Variants in KIAA1549L observed in about 807,000 individuals in gnomAD.
KIAA1549L encodes the protein UPF0606 protein KIAA1549L.
In KIAA1549L, 88 loss-of-function variants were observed where a neutral mutation model predicts 160.7. That is an observed-to-expected ratio of 0.55 (90% CI 0.46 to 0.65). The LOEUF (loss-of-function observed/expected upper bound fraction) is 0.65. Among genes scored for constraint, KIAA1549L ranks in the 30% least tolerant of loss-of-function variants. The probability of loss-of-function intolerance (pLI) is 0.00; values close to 1 mark genes in which losing one functional copy is unlikely to be tolerated. For synonymous variants in KIAA1549L, 950 were observed against 976.7 expected (o/e 0.97, Z 0.51); for missense variants, 2,258 against 2,437.5 (o/e 0.93, Z 1.55).
chr11:33,531,842 T>C (rs1285801664), intron 1 of KIAA1549L, among the ~76,000 whole-genome samples: 1 of 152,172 alleles, frequency 6.6e-6, no homozygotes, highest in South Asian at 2.1e-4. Context: ...TCCATCTCTT[T>C]TGACCTTCTG....
chr11:33,549,169 T>C (rs952299595), intron 4 of KIAA1549L, among the ~76,000 whole-genome samples: 1 of 152,152 alleles, frequency 6.6e-6, no homozygotes, highest in Non-Finnish European at 1.5e-5. Flanking sequence ...ATGGATTCTG[T>C]TTTAAAAACT....
chr11:33,503,939 C>A (rs79060389), intron 1 of KIAA1549L, among the ~76,000 whole-genome samples: 1 of 152,230 alleles, frequency 6.6e-6, no homozygotes, highest in Non-Finnish European at 1.5e-5. Flanking sequence ...AAAGTTTTGC[C>A]TTCAAACTGC....
At chr11:33,580,705 G>A (rs1244452504) in intron 10 of KIAA1549L, among the ~76,000 whole-genome samples, 1 of 152,136 alleles carries the variant, frequency 6.6e-6, no homozygotes, top group Non-Finnish European at 1.5e-5. Context: ...CTATGTGCAG[G>A]GCACTGCTCT....
At chr11:33,401,888 A>C (rs1850508333) in intron 1 of KIAA1549L, among the ~76,000 whole-genome samples, 2 of 152,176 alleles carry the variant, frequency 1.3e-5, no homozygotes, top group South Asian at 4.1e-4. Flanking sequence ...AAGGTCACCA[A>C]CTCAAAGATG....
intron 1 of KIAA1549L, among the ~76,000 whole-genome samples, chr11:33,495,595 A>G (rs566205874): frequency 6.6e-6 from 1 of 152,342 alleles, no homozygotes; most frequent in Non-Finnish European, 1.5e-5. Context: ...ATATGCGTGC[A>G]TGTGTCTTTA....
At chr11:33,489,441 C>G (rs926522997) in intron 1 of KIAA1549L, among the ~76,000 whole-genome samples, 3 of 152,210 alleles carry the variant, frequency 2.0e-5, no homozygotes, top group African/African-American at 4.8e-5. Context: ...CTGATACCAT[C>G]ATGTTGAGAG....
chr11:33,478,524 G>A (rs1852341603), intron 1 of KIAA1549L, among the ~76,000 whole-genome samples: 1 of 152,198 alleles, frequency 6.6e-6, no homozygotes, highest in South Asian at 2.1e-4. Flanking sequence ...TAGCAACAAG[G>A]GAGGAGTTCT....
chr11:33,518,138 CAAAAAAAAA>C (rs560876643), intron 1 of KIAA1549L, among the ~76,000 whole-genome samples: 142 of 59,410 alleles, frequency 2.4e-3, no homozygotes, highest in African/African-American at 9.0e-3. Context: ...GACTCTGTCT[CAAAAAAAAA>C]AAAAAAAAAA....
Position 33,671,036 on chromosome 11 carries a change from A to G in KIAA1549L, c.*2882A>G, listed in dbSNP as rs903467052. Reference sequence around the variant, plus strand: ...TGAAGAACTCCATAATGTTCTTGCCAAGAAAAAAGATGATTGAGTATATAA... The same window carrying G: ...TGAAGAACTCCATAATGTTCTTGCCGAGAAAAAAGATGATTGAGTATATAA... On this transcript the variant is annotated 3_prime_UTR_variant, in exon 21 of 21. Coordinates refer to ENST00000658780, the MANE Select transcript of KIAA1549L (RefSeq NM_012194.3). 5 of 152,256 alleles carry G rather than the reference A, an allele frequency of 3.3e-5. No individual in the cohort carries two copies. Among genetic ancestry groups the G allele is most frequent in the Non-Finnish European group, 5.9e-5 (4 of 68,044 alleles). 9.4% of individuals were successfully genotyped at this position (152,256 alleles called of 1,614,324 possible). A position where few individuals can be genotyped will look rare whatever the true frequency, so the allele number is the denominator to read the frequency against.
chr11:33,608,755 T>C (rs1412051304), intron 14 of KIAA1549L, among the ~76,000 whole-genome samples: 1 of 152,234 alleles, frequency 6.6e-6, no homozygotes, highest in Non-Finnish European at 1.5e-5. Flanking sequence ...TGCTGTATTT[T>C]GGTAGTTAAA....
chr11:33,525,724 A>G (rs556122588), intron 1 of KIAA1549L, among the ~76,000 whole-genome samples: 1 of 152,004 alleles, frequency 6.6e-6, no homozygotes, highest in Non-Finnish European at 1.5e-5. Context: ...GTCTGGGGCA[A>G]GATTTCAGCT....
At chr11:33,614,578 ATATATATTTTTTTT>A (rs1850755531) in intron 15 of KIAA1549L, among the ~76,000 whole-genome samples, 1 of 9,422 alleles carries the variant, frequency 1.1e-4, no homozygotes, top group Non-Finnish European at 1.5e-4. Flanking sequence ...ATATATATAT[ATATATATTTTTTTT>A]TTTTTTTTTT....
intron 1 of KIAA1549L, among the ~76,000 whole-genome samples, chr11:33,521,484 A>G (rs1277195325): frequency 6.6e-6 from 1 of 152,250 alleles, no homozygotes; most frequent in East Asian, 1.9e-4. Flanking sequence ...ATTTGCAAAC[A>G]CTTAGAAAAA....
intron 17 of KIAA1549L, among the ~76,000 whole-genome samples, chr11:33,653,710 A>G (rs1041842225): frequency 2.0e-5 from 3 of 152,160 alleles, no homozygotes; most frequent in Non-Finnish European, 2.9e-5. Flanking sequence ...GACTTCGGTT[A>G]GCTGCATGTT....
intron 20 of KIAA1549L, among the ~76,000 whole-genome samples, chr11:33,666,968 T>C (rs1206073672): frequency 6.6e-6 from 1 of 152,236 alleles, no homozygotes; most frequent in East Asian, 1.9e-4. Flanking sequence ...TCGATGTTGT[T>C]ATTAATCAAC....
rs1192681149 is a variant in KIAA1549L at position 33,448,958 on chromosome 11, C to T, written c.238+72069C>T. Among the ~76,000 whole-genome samples, 10 of 152,284 alleles carry T rather than the reference C, an allele frequency of 6.6e-5. No individual in the cohort carries two copies. In the South Asian group the frequency reaches 1.2e-3, roughly 19 times the overall value. On this transcript the variant is annotated intron_variant, in intron 1 of 20. Coordinates refer to ENST00000658780, the MANE Select transcript of KIAA1549L (RefSeq NM_012194.3). ...GTTTGATGATTGTTACTCACCTCTT[C>T]GCACACTTAGCGCTGTAATTGTTCA...
At chr11:33,615,322 T>C (rs1482366979) in intron 15 of KIAA1549L, among the ~76,000 whole-genome samples, 1 of 152,192 alleles carries the variant, frequency 6.6e-6, no homozygotes, top group African/African-American at 2.4e-5. Context: ...TGAGAGTTAC[T>C]TTCTTAAACT....
At chr11:33,455,798 CTG>C (rs1261668191) in intron 1 of KIAA1549L, among the ~76,000 whole-genome samples, 1 of 152,182 alleles carries the variant, frequency 6.6e-6, no homozygotes, top group African/African-American at 2.4e-5. Flanking sequence ...AAGTACTTAT[CTG>C]TATTTTTTTT....
At chr11:33,493,610 A>G (rs1287071670) in intron 1 of KIAA1549L, among the ~76,000 whole-genome samples, 3 of 152,206 alleles carry the variant, frequency 2.0e-5, no homozygotes, top group Non-Finnish European at 4.4e-5. Context: ...TTTGTGTATC[A>G]ACTAAATTGT....
Sources: allele counts gnomAD v4.1 joint callset (sites outside exome capture counted in the v4.1 genomes callset), GRCh38; gene constraint gnomAD v4.1.1; transcripts MANE v1.5; gene names NCBI Gene and HGNC (gene_info 2026-07-23, HGNC 2026-07-21).